Variants in CRYBG1 observed in about 807,000 individuals in gnomAD.
The protein encoded by CRYBG1 is crystallin beta-gamma domain containing 1.
CRYBG1 carries 139 observed loss-of-function variants against 189.2 expected under a neutral mutation model. The observed-to-expected ratio is 0.73, with a 90% CI of 0.64 to 0.85. The LOEUF (loss-of-function observed/expected upper bound fraction) is 0.85, where lower values mean the gene tolerates loss of function less well. Ranked by LOEUF, CRYBG1 falls within the 40% of genes least tolerant of loss-of-function variation. The probability of loss-of-function intolerance (pLI) is 0.00; values close to 1 mark genes in which losing one functional copy is unlikely to be tolerated. For synonymous variants in CRYBG1, 1,023 were observed against 1,017.1 expected (o/e 1.01, Z -0.11); for missense variants, 2,611 against 2,675.8 (o/e 0.98, Z 0.53).
chr6:106,369,229 G>T (rs1031638110), intron 1 of CRYBG1, among the ~76,000 whole-genome samples: 1 of 152,146 alleles, frequency 6.6e-6, no homozygotes, highest in African/African-American at 2.4e-5. Flanking sequence ...ACAAGTAAAG[G>T]TTGCACCCAT....
At position 106,517,421 on chromosome 6, in the gene CRYBG1, CAT is replaced by C. The variant is rs1223602763; in HGVS notation, c.1923-1702_1923-1701del. ...ATATATACACACACACATATATACA[CAT>C]ATATATACACACACACATATATATA... On this transcript the variant is annotated intron_variant, in intron 3 of 21. Coordinates refer to ENST00000633556, the MANE Select transcript of CRYBG1 (RefSeq NM_001371242.2). Among the ~76,000 whole-genome samples the C allele has an allele frequency of 6.2e-4, 73 of 117,020 alleles. 2 individuals carry two copies. The highest frequency in any genetic ancestry group is 2.4e-3 in the African/African-American group (66 of 27,478). The allele number at this position is 117,020 out of a possible 152,430, so 76.8% of individuals were successfully genotyped here.
rs1773456590 is a variant in CRYBG1 at position 106,517,383 on chromosome 6, TACACACATATATATATATACACACACAC to T, written c.1923-1746_1923-1719del. On this transcript the variant is annotated intron_variant, in intron 3 of 21. Coordinates refer to ENST00000633556, the MANE Select transcript of CRYBG1 (RefSeq NM_001371242.2). ...ATACACATATATACACACACACATA[TACACACATATATATATATACACACACAC>T]ATATATACACATATATATACACACA... 3.4e-4 allele frequency among the ~76,000 whole-genome samples: 18 copies of T among 53,220 alleles called. 1 individual carries two copies. Among genetic ancestry groups the T allele is most frequent in the South Asian group, 8.8e-4 (1 of 1,130 alleles). 34.9% of individuals were successfully genotyped at this position (53,220 alleles called of 152,430 possible).
chr6:106,544,906 C>T lies in CRYBG1; in HGVS notation c.5285C>T (p.Thr1762Ile), dbSNP rs1328523338. The T allele has an allele frequency of 6.2e-7, 1 of 1,612,468 alleles. No individual in the cohort carries two copies. Among genetic ancestry groups the T allele is most frequent in the Admixed American group, 1.7e-5 (1 of 59,664 alleles). ...AAGGAGACTGGATATGGAGTGAAGACACAGTCTATTAATGTACTGAGTGGA... is the reference window on the plus strand; with the variant it reads ...AAGGAGACTGGATATGGAGTGAAGATACAGTCTATTAATGTACTGAGTGGA... ...NLKETGYGVK[T>I]QSINVLSGVW... is the part of the protein sequence containing the mutation. The change falls in exon 13 of 22, where the codon ACA becomes ATA. Residue 1762 changes from threonine to isoleucine, a missense_variant. Physicochemically the swap from Thr to Ile is moderately conservative, Grantham distance 89 (BLOSUM62 -1). Transcript: ENST00000633556.
intron 20 of CRYBG1, 32 bp downstream of exon 20, chr6:106,561,532 T>G (rs758524828): frequency 1.0e-5 from 16 of 1,595,414 alleles, no homozygotes; most frequent in Non-Finnish European, 1.4e-5. Context: ...GGGCCTGTGA[T>G]GGCTTTGCTA....
At chr6:106,534,434 A>C (rs1438156834) in intron 8 of CRYBG1, among the ~76,000 whole-genome samples, 1 of 152,306 alleles carries the variant, frequency 6.6e-6, no homozygotes, top group Middle Eastern at 3.4e-3. Context: ...TAGTGCTTTT[A>C]TAGATCTCAA....
intron 21 of CRYBG1, 55 bp from the exon 22 acceptor site, chr6:106,568,417 C>A: frequency 7.3e-7 from 1 of 1,376,622 alleles, no homozygotes; most frequent in Non-Finnish European, 1.0e-6. Context: ...ATTGTGTCTG[C>A]TATAGACCCT....
chr6:106,548,837 C>T (rs1353701888), intron 13 of CRYBG1, among the ~76,000 whole-genome samples: 5 of 151,300 alleles, frequency 3.3e-5, no homozygotes. Flanking sequence ...TGGTGTGCTG[C>T]ACCCATTAAC....
chr6:106,554,450 C>G (rs1774486156), intron 16 of CRYBG1, among the ~76,000 whole-genome samples: 1 of 152,058 alleles, frequency 6.6e-6, no homozygotes. Flanking sequence ...CCTGTCTTTA[C>G]TAAAAATACA....
At chr6:106,554,528 C>T (rs1035420340) in intron 16 of CRYBG1, among the ~76,000 whole-genome samples, 3 of 152,098 alleles carry the variant, frequency 2.0e-5, no homozygotes, top group Non-Finnish European at 2.9e-5. Flanking sequence ...AGGAGAATTG[C>T]GTGAACCCAG....
At chr6:106,539,970 A>G (rs77345326) in intron 9 of CRYBG1, among the ~76,000 whole-genome samples, 1 of 152,336 alleles carries the variant, frequency 6.6e-6, no homozygotes, top group East Asian at 1.9e-4. Context: ...GATTTTTTAA[A>G]TGGAGCTGTC....
intron 1 of CRYBG1, among the ~76,000 whole-genome samples, chr6:106,372,763 G>A (rs1049087494): frequency 2.8e-4 from 42 of 152,158 alleles, no homozygotes; most frequent in Non-Finnish European, 1.2e-4. Context: ...CAAGGGACAT[G>A]AACAATTCCT....
intron 1 of CRYBG1, among the ~76,000 whole-genome samples, chr6:106,412,265 C>T (rs188939166): frequency 2.0e-5 from 3 of 152,246 alleles, no homozygotes; most frequent in Admixed American, 1.3e-4. Context: ...TGTATTTGTT[C>T]CCAATACTAC....
At chr6:106,525,871 A>AT (rs1773728888) in intron 6 of CRYBG1, among the ~76,000 whole-genome samples, 2 of 152,296 alleles carry the variant, frequency 1.3e-5, no homozygotes, top group African/African-American at 4.8e-5. Flanking sequence ...AAAGAAAGGC[A>AT]TTTTTCTAAC....
chr6:106,512,086 A>G lies in CRYBG1; in HGVS notation c.969A>G (p.Glu323=), dbSNP rs4946759. The G allele has an allele frequency of 0.79, 1,210,427 of 1,534,160 alleles. 483,343 individuals are homozygous for G. Among genetic ancestry groups the G allele is most frequent in the South Asian group, 0.87 (72,991 of 83,920 alleles). The part of the protein sequence containing the change: ...PNGAPSVCAE[E]GSLGPRNARS... Reference sequence around the variant, plus strand: ...GAGCCCCCAGTGTGTGTGCCGAAGAAGGCTCCCTGGGGCCCCGCAACGCCC... The same window carrying G: ...GAGCCCCCAGTGTGTGTGCCGAAGAGGGCTCCCTGGGGCCCCGCAACGCCC... Residue 323 remains glutamate, a synonymous_variant, in exon 3 of 22, where the codon GAA becomes GAG. Transcript: ENST00000633556.
At chr6:106,543,114 C>G (rs1464277072) in intron 10 of CRYBG1, among the ~76,000 whole-genome samples, 1 of 150,910 alleles carries the variant, frequency 6.6e-6, no homozygotes, top group Admixed American at 6.6e-5. Flanking sequence ...CTCACTTAAC[C>G]CTCTGCCTCC....
chr6:106,460,829 C>T (rs370366136), intron 2 of CRYBG1, among the ~76,000 whole-genome samples: 1 of 152,176 alleles, frequency 6.6e-6, no homozygotes, highest in African/African-American at 2.4e-5. Context: ...CTCTGTTGCC[C>T]AGGCTGGATT....
chr6:106,428,316 T>A (rs192414192), intron 1 of CRYBG1, among the ~76,000 whole-genome samples: 1 of 152,256 alleles, frequency 6.6e-6, no homozygotes, highest in Admixed American at 6.5e-5. Context: ...CTATCTCCAC[T>A]CTTCTCACTT....
chr6:106,394,859 A>ATTTT lies in CRYBG1; in HGVS notation c.173+33791_173+33794dup, dbSNP rs34252257. On this transcript the variant is annotated intron_variant, in intron 1 of 21. Coordinates refer to ENST00000633556, the MANE Select transcript of CRYBG1 (RefSeq NM_001371242.2). ...TAGTGTGTTAAATGCACACAGCAGA[A>ATTTT]TTTTTTTTTTTTTTTTGAGACAGTC... Among the ~76,000 whole-genome samples the ATTTT allele has an allele frequency of 1.3e-3, 179 of 142,126 alleles. 2 individuals are homozygous for ATTTT. The Middle Eastern group carries it at 0.025, about 20-fold the overall frequency. 93.2% of individuals were successfully genotyped at this position (142,126 alleles called of 152,430 possible). A position where few individuals can be genotyped will look rare whatever the true frequency, so the allele number is the denominator to read the frequency against.
chr6:106,368,605 T>C (rs1242214533), intron 1 of CRYBG1, among the ~76,000 whole-genome samples: 2 of 152,160 alleles, frequency 1.3e-5, no homozygotes, highest in Non-Finnish European at 2.9e-5. Context: ...CCCAAATGCC[T>C]CATCAACATA....
Sources: allele counts gnomAD v4.1 joint callset (sites outside exome capture counted in the v4.1 genomes callset), GRCh38; gene constraint gnomAD v4.1.1; transcripts MANE v1.5; gene names NCBI Gene and HGNC (gene_info 2026-07-23, HGNC 2026-07-21).